The following SUMF1 variants were observed in gnomAD, a reference collection of about 807,000 sequenced individuals.
SUMF1 encodes the protein formylglycine-generating enzyme.
In SUMF1, 48 loss-of-function variants were observed where a neutral mutation model predicts 47.6. The observed-to-expected ratio is 1.01, with a 90% CI of 0.80 to 1.28. SUMF1 has a LOEUF of 1.28. SUMF1 is among the 50% of genes most tolerant of loss of function. The pLI is 0.00. For missense variants in SUMF1, 571 were observed against 485.4 expected (o/e 1.18, Z -1.66); for synonymous variants, 230 against 192.1 (o/e 1.20, Z -1.63).
chr3:4,452,981 T>C lies in SUMF1; in HGVS notation c.339A>G (p.Glu113=). ...TDDPQIKQDG[E]APARRVTIDA... is the part of the protein sequence containing the mutation. ...CAATAGTAACTCTCCTCGCAGGTGC[T>C]TCCCCATCCTGCTTTATCTGAGGAT... The change falls in exon 2 of 9, where the codon GAA becomes GAG. Residue 113 remains glutamate, a synonymous_variant. Transcript: ENST00000272902. The C allele has an allele frequency of 6.2e-7, 1 of 1,614,178 alleles. No individual in the cohort carries two copies. The highest frequency in any genetic ancestry group is 8.5e-7 in the Non-Finnish European group (1 of 1,180,044).
chr3:4,406,760 C>G (rs1701389394), intron 7 of SUMF1, among the ~76,000 whole-genome samples: 1 of 152,164 alleles, frequency 6.6e-6, no homozygotes, highest in Non-Finnish European at 1.5e-5. Flanking sequence ...GGAAAGATAT[C>G]ACAGATCACC....
chr3:4,179,240 C>A (rs986687846), intron 8 of SUMF1, among the ~76,000 whole-genome samples: 3 of 152,040 alleles, frequency 2.0e-5, no homozygotes, highest in African/African-American at 7.3e-5. Context: ...CAAGCCTAAG[C>A]AAAAAGAACA....
chr3:4,367,639 T>C (rs1700022929), intron 8 of SUMF1, among the ~76,000 whole-genome samples: 1 of 152,008 alleles, frequency 6.6e-6, no homozygotes, highest in South Asian at 2.1e-4. Flanking sequence ...AAAACAGAGA[T>C]ATAGATCAAT....
intron 8 of SUMF1, among the ~76,000 whole-genome samples, chr3:4,164,950 G>A (rs1047337278): frequency 7.9e-5 from 12 of 152,076 alleles, no homozygotes; most frequent in East Asian, 1.9e-4. Flanking sequence ...GGACATCATC[G>A]AATAATTCAT....
intron 9 of SUMF1, among the ~76,000 whole-genome samples, chr3:4,064,727 T>C (rs1349649866): frequency 1.3e-5 from 2 of 152,082 alleles, no homozygotes; most frequent in African/African-American, 4.8e-5. Context: ...AGTGGGGAAC[T>C]CAGGAATTGA....
chr3:4,280,185 G>A (rs959508102), intron 8 of SUMF1, among the ~76,000 whole-genome samples: 1 of 152,128 alleles, frequency 6.6e-6, no homozygotes, highest in African/African-American at 2.4e-5. Context: ...AAAGCATCAT[G>A]TTGTACATAA....
intron 9 of SUMF1, among the ~76,000 whole-genome samples, chr3:4,048,117 A>T (rs898757669): frequency 1.3e-5 from 2 of 152,112 alleles, no homozygotes; most frequent in Non-Finnish European, 2.9e-5. Context: ...TATAATTATC[A>T]TCTCACCATA....
intron 8 of SUMF1, among the ~76,000 whole-genome samples, chr3:4,173,280 G>T (rs1694874144): frequency 6.6e-6 from 1 of 152,112 alleles, no homozygotes; most frequent in Non-Finnish European, 1.5e-5. Context: ...AGTATAGTTT[G>T]AAGTCACATC....
intron 1 of SUMF1, 143 bp downstream of exon 1, chr3:4,466,833 C>T: frequency 1.5e-6 from 2 of 1,292,226 alleles, no homozygotes; most frequent in Non-Finnish European, 1.1e-6. Flanking sequence ...AGAAGGAACT[C>T]CTCATACGGG....
intron 8 of SUMF1, among the ~76,000 whole-genome samples, chr3:4,069,772 T>C (rs533431984): frequency 6.6e-6 from 1 of 152,286 alleles, no homozygotes; most frequent in South Asian, 2.1e-4. Context: ...AATCTGACTC[T>C]GGAATACCAT....
chr3:4,413,573 A>G (rs1045439339), intron 6 of SUMF1, among the ~76,000 whole-genome samples: 2 of 152,072 alleles, frequency 1.3e-5, no homozygotes, highest in African/African-American at 4.8e-5. Context: ...CCTCTCAGGA[A>G]CCTCAAAAGC....
At chr3:4,207,366 T>C (rs1164968635) in intron 8 of SUMF1, among the ~76,000 whole-genome samples, 1 of 152,136 alleles carries the variant, frequency 6.6e-6, no homozygotes, top group African/African-American at 2.4e-5. Context: ...CAGTGCAATG[T>C]TAAATAAAAG....
rs547669765 is a variant in SUMF1, at chr3:4,218,611, C to T, written c.1015-149866G>A. Among the ~76,000 whole-genome samples, 18 of 152,244 alleles carry T rather than the reference C, an allele frequency of 1.2e-4. No homozygotes were observed. In the South Asian group the frequency reaches 3.1e-3, roughly 26 times the overall value. Reference sequence around the variant, plus strand: ...TCAGCGCAGAGCAAATCTGGATCTGCGTGAATGCCTGCTGCTGTGAATGCG... The same window carrying T: ...TCAGCGCAGAGCAAATCTGGATCTGTGTGAATGCCTGCTGCTGTGAATGCG... On this transcript the variant is annotated intron_variant and NMD_transcript_variant, in intron 8 of 12. Transcript: ENST00000448413.
chr3:4,158,914 GTC>G (rs1694512598), intron 8 of SUMF1, among the ~76,000 whole-genome samples: 1 of 151,410 alleles, frequency 6.6e-6, no homozygotes, highest in South Asian at 2.1e-4. Flanking sequence ...AGATCGTTGA[GTC>G]TCTTTTTTTA....
At chr3:4,335,968 A>ACAAAAAG (rs1553558762) in intron 8 of SUMF1, among the ~76,000 whole-genome samples, 1 of 146,926 alleles carries the variant, frequency 6.8e-6, no homozygotes, top group Non-Finnish European at 1.5e-5. Flanking sequence ...CTCAAAAAAA[A>ACAAAAAG]AAAAAAAAAA....
At chr3:4,248,155 G>C (rs1050924005) in intron 8 of SUMF1, among the ~76,000 whole-genome samples, 3 of 152,184 alleles carry the variant, frequency 2.0e-5, no homozygotes, top group Non-Finnish European at 2.9e-5. Flanking sequence ...TCATTGCCCA[G>C]TGATGCTCTA....
intron 8 of SUMF1, among the ~76,000 whole-genome samples, chr3:4,278,236 T>C (rs1057151697): frequency 6.6e-6 from 1 of 152,074 alleles, no homozygotes; most frequent in Non-Finnish European, 1.5e-5. Context: ...TGTTCTATAA[T>C]TTATCAATAA....
chr3:4,300,132 C>T (rs1055961926), intron 8 of SUMF1, among the ~76,000 whole-genome samples: 10 of 152,200 alleles, frequency 6.6e-5, no homozygotes, highest in South Asian at 2.1e-4. Context: ...ACCATCCCCT[C>T]GGTGCTGTCA....
chr3:4,210,133 G>A (rs1264146094), intron 8 of SUMF1, among the ~76,000 whole-genome samples: 1 of 152,060 alleles, frequency 6.6e-6, no homozygotes, highest in Admixed American at 6.6e-5. Flanking sequence ...GACCTCAAGT[G>A]ATCTGCCTGC....
Sources: gnomAD v4.1 joint callset for allele counts (sites outside exome capture counted in the v4.1 genomes callset) on GRCh38, gnomAD v4.1.1 for gene constraint, MANE v1.5 for transcripts, NCBI Gene and HGNC (gene_info 2026-07-23, HGNC 2026-07-21) for gene names.